PCDH11X: variants seen among roughly 807,000 people sequenced by gnomAD.
The protein encoded by PCDH11X is protocadherin 11 X-linked.
In PCDH11X, 18 loss-of-function variants were observed where a neutral mutation model predicts 53.3. The ratio of observed to expected loss-of-function variants is 0.34; its 90% CI spans 0.23 to 0.50. The LOEUF (loss-of-function observed/expected upper bound fraction) is 0.50, where lower values mean the gene tolerates loss of function less well. Among genes scored for constraint, PCDH11X ranks in the 20% least tolerant of loss-of-function variants. The pLI is 0.98. For synonymous variants in PCDH11X, 279 were observed against 393.3 expected (o/e 0.71, Z 3.44); for missense variants, 570 against 1,032.4 (o/e 0.55, Z 6.14).
intron 5 of PCDH11X, among the ~76,000 whole-genome samples, chrX:91,842,552 C>T (rs1215846097): frequency 9.3e-6 from 1 of 107,344 alleles, no homozygotes; most frequent in East Asian, 2.8e-4. Flanking sequence ...ATAAAAATAT[C>T]GCTAGTTATC....
intron 6 of PCDH11X, among the ~76,000 whole-genome samples, chrX:91,962,842 T>C (rs1271949358): frequency 9.0e-6 from 1 of 111,404 alleles, no homozygotes; most frequent in South Asian, 3.8e-4. Flanking sequence ...CCTAACATTA[T>C]GTGTAAGCTG....
chrX:92,320,013 A>G (rs2069165172), intron 8 of PCDH11X, among the ~76,000 whole-genome samples: 1 of 110,720 alleles, frequency 9.0e-6, no homozygotes, highest in African/African-American at 3.3e-5. Context: ...ATGTTCAGTA[A>G]GTTAATTAAA....
chrX:92,002,770 T>A (rs1442539397), intron 6 of PCDH11X, among the ~76,000 whole-genome samples: 1 of 108,409 alleles, frequency 9.2e-6, no homozygotes, highest in Non-Finnish European at 1.9e-5. Context: ...AATATTTTTA[T>A]CACTTCTAAT....
intron 5 of PCDH11X, among the ~76,000 whole-genome samples, chrX:91,858,269 G>C (rs1246123624): frequency 1.8e-5 from 2 of 110,484 alleles, no homozygotes; most frequent in Non-Finnish European, 3.8e-5. Context: ...CCTGGTCCCA[G>C]CTCATGAAAC....
intron 8 of PCDH11X, among the ~76,000 whole-genome samples, chrX:92,337,600 G>A (rs1404135768): frequency 9.1e-6 from 1 of 109,877 alleles, no homozygotes. Context: ...ATTTAAATAT[G>A]TAATGCAACA....
chrX:92,207,627 C>A (rs1020926535), intron 7 of PCDH11X, among the ~76,000 whole-genome samples: 15 of 111,694 alleles, frequency 1.3e-4, no homozygotes, highest in African/African-American at 4.6e-4. Context: ...ATTTTGTAAT[C>A]ATGTCTTATT....
At chrX:92,022,083 C>T (rs1417876486) in intron 6 of PCDH11X, among the ~76,000 whole-genome samples, 1 of 107,050 alleles carries the variant, frequency 9.3e-6, no homozygotes, top group Admixed American at 1.1e-4. Flanking sequence ...AATATAAAGA[C>T]CAATGACACT....
intron 7 of PCDH11X, among the ~76,000 whole-genome samples, chrX:92,237,682 C>A (rs1215374463): frequency 9.0e-6 from 1 of 111,299 alleles, no homozygotes; most frequent in Non-Finnish European, 1.9e-5. Flanking sequence ...CTAACAAGTA[C>A]CCCCTTATCT....
intron 4 of PCDH11X, among the ~76,000 whole-genome samples, chrX:91,825,217 C>CGG (rs1359467913): frequency 5.5e-5 from 6 of 108,428 alleles, no homozygotes; most frequent in African/African-American, 2.2e-4. Flanking sequence ...TTGGAGCTTC[C>CGG]GGGCTGCTTT....
chrX:92,508,723 A>G (rs1401472802), intron 10 of PCDH11X, among the ~76,000 whole-genome samples: 1 of 106,775 alleles, frequency 9.4e-6, no homozygotes, highest in Admixed American at 1.0e-4. Flanking sequence ...AATATGCCTG[A>G]AAATAATTTT....
intron 6 of PCDH11X, among the ~76,000 whole-genome samples, chrX:92,167,343 T>C (rs1448757774): frequency 5.4e-5 from 6 of 111,887 alleles, no homozygotes; most frequent in Non-Finnish European, 1.1e-4. Context: ...ACCATAGAAT[T>C]ATTAGCAAAA....
intron 6 of PCDH11X, among the ~76,000 whole-genome samples, chrX:92,159,291 T>A (rs1488202326): frequency 1.8e-5 from 2 of 110,078 alleles, no homozygotes; most frequent in Admixed American, 9.7e-5. Context: ...GTTTGCTGTG[T>A]TCTCTCTCAT....
intron 8 of PCDH11X, among the ~76,000 whole-genome samples, chrX:92,367,660 T>G (rs1292267495): frequency 8.9e-6 from 1 of 111,984 alleles, no homozygotes; most frequent in African/African-American, 3.3e-5. Context: ...TATTTAATGC[T>G]TCCTTCAGGA....
intron 6 of PCDH11X, among the ~76,000 whole-genome samples, chrX:91,993,654 G>A (rs1290359823): frequency 9.0e-6 from 1 of 111,181 alleles, no homozygotes; most frequent in Non-Finnish European, 1.9e-5. Flanking sequence ...TTAAAGTTGT[G>A]TTTCTGGGAA....
At chrX:92,185,289 G>A (rs1238145904) in intron 6 of PCDH11X, among the ~76,000 whole-genome samples, 1 of 110,625 alleles carries the variant, frequency 9.0e-6, no homozygotes, top group East Asian at 2.8e-4. Flanking sequence ...AAATAGTGTG[G>A]GGAAAACTGT....
At chrX:91,993,422 C>T (rs1470240602) in intron 6 of PCDH11X, among the ~76,000 whole-genome samples, 1 of 112,174 alleles carries the variant, frequency 8.9e-6, no homozygotes, top group Non-Finnish European at 1.9e-5. Context: ...ACTTTCTCCT[C>T]ACCTGTAAGG....
chrX:92,185,823 A>T (rs772023537), intron 6 of PCDH11X, among the ~76,000 whole-genome samples: 4 of 103,991 alleles, frequency 3.8e-5, no homozygotes, highest in East Asian at 2.9e-4. Flanking sequence ...AATACCTATT[A>T]AAAAAAAAAG....
At chrX:92,068,165 T>A (rs1451113586) in intron 6 of PCDH11X, among the ~76,000 whole-genome samples, 1 of 109,050 alleles carries the variant, frequency 9.2e-6, no homozygotes, top group Non-Finnish European at 1.9e-5. Context: ...ATTGTTCTGA[T>A]CTTTATTAAT....
chrX:91,990,626 GA>G (rs1228215388), intron 6 of PCDH11X, among the ~76,000 whole-genome samples: 4 of 110,773 alleles, frequency 3.6e-5, no homozygotes, highest in Non-Finnish European at 7.5e-5. Context: ...ACTCCAGTGA[GA>G]AAGGGGGCAC....
Sources: allele counts gnomAD v4.1 joint callset (sites outside exome capture counted in the v4.1 genomes callset), GRCh38; gene constraint gnomAD v4.1.1; transcripts MANE v1.5; gene names NCBI Gene and HGNC (gene_info 2026-07-23, HGNC 2026-07-21).